Variants in MAGI2 observed in about 807,000 individuals in gnomAD.
MAGI2 encodes the protein membrane-associated guanylate kinase, WW and PDZ domain-containing protein 2.
Under a neutral mutation model 133.3 loss-of-function variants are expected in MAGI2, and 35 were observed. The ratio of observed to expected loss-of-function variants is 0.26; its 90% CI spans 0.20 to 0.35. The LOEUF is 0.35. MAGI2 is among the 10% of genes least tolerant of loss of function. The pLI, the probability that MAGI2 is intolerant of heterozygous loss-of-function variation, is 1.00. For synonymous variants in MAGI2, 729 were observed against 710.6 expected (o/e 1.03, Z -0.41); for missense variants, 1,636 against 1,863.4 (o/e 0.88, Z 2.25).
At chr7:79,122,551 C>T (rs1007532024) in intron 1 of MAGI2, among the ~76,000 whole-genome samples, 1 of 152,122 alleles carries the variant, frequency 6.6e-6, no homozygotes, top group African/African-American at 2.4e-5. Context: ...TGCAAATAAA[C>T]CAACTATATA....
At chr7:79,264,720 G>A (rs183381197) in intron 1 of MAGI2, among the ~76,000 whole-genome samples, 11 of 152,136 alleles carry the variant, frequency 7.2e-5, no homozygotes, top group Admixed American at 2.6e-4. Context: ...TTTGACTCAT[G>A]ATTCTAATGT....
chr7:78,210,654 T>C (rs1158944506), intron 10 of MAGI2, among the ~76,000 whole-genome samples: 2 of 152,296 alleles, frequency 1.3e-5, no homozygotes, highest in Non-Finnish European at 2.9e-5. Context: ...CTCAGAGATA[T>C]GTGTCAGGTA....
At chr7:78,058,007 A>G (rs150481689) in intron 21 of MAGI2, among the ~76,000 whole-genome samples, 73 of 47,160 alleles carry the variant, frequency 1.5e-3, no homozygotes, top group Middle Eastern at 0.01. Flanking sequence ...ATATATATGT[A>G]TGAGAAACAT....
intron 1 of MAGI2, among the ~76,000 whole-genome samples, chr7:79,039,328 A>T (rs1811406329): frequency 6.6e-6 from 1 of 152,118 alleles, no homozygotes; most frequent in African/African-American, 2.4e-5. Context: ...ACCTCTTTTT[A>T]TTAAAATAAA....
chr7:79,440,292 C>T (rs962130204), intron 1 of MAGI2, among the ~76,000 whole-genome samples: 9 of 151,998 alleles, frequency 5.9e-5, no homozygotes, highest in Admixed American at 2.0e-4. Context: ...GGGTCAATAG[C>T]AAAGGCATTT....
chr7:78,135,497 C>G (rs1377292674), intron 16 of MAGI2, among the ~76,000 whole-genome samples: 1 of 152,116 alleles, frequency 6.6e-6, no homozygotes, highest in Non-Finnish European at 1.5e-5. Context: ...CTATTTGGGC[C>G]TTACTGGGGA....
At chr7:78,815,195 C>A (rs1201093290) in intron 2 of MAGI2, among the ~76,000 whole-genome samples, 1 of 152,154 alleles carries the variant, frequency 6.6e-6, no homozygotes, top group African/African-American at 2.4e-5. Flanking sequence ...CTTCAAGGAG[C>A]TGCTCATCTG....
At chr7:78,457,596 T>A (rs928739081) in intron 6 of MAGI2, among the ~76,000 whole-genome samples, 5 of 152,208 alleles carry the variant, frequency 3.3e-5, no homozygotes, top group Non-Finnish European at 7.3e-5. Context: ...TAGTCCATGT[T>A]CTTTTAATAA....
intron 1 of MAGI2, among the ~76,000 whole-genome samples, chr7:79,337,952 G>A (rs900909405): frequency 2.6e-5 from 4 of 152,016 alleles, no homozygotes; most frequent in Non-Finnish European, 2.9e-5. Context: ...AGTGACCCGG[G>A]AATATCTTCC....
intron 2 of MAGI2, among the ~76,000 whole-genome samples, chr7:78,629,304 C>T (rs890277851): frequency 2.0e-5 from 3 of 152,206 alleles, no homozygotes; most frequent in Non-Finnish European, 4.4e-5. Context: ...CCTACTTGGA[C>T]TGGCAGTTCA....
At chr7:78,648,694 A>G (rs985720514) in intron 2 of MAGI2, among the ~76,000 whole-genome samples, 1 of 152,204 alleles carries the variant, frequency 6.6e-6, no homozygotes, top group Non-Finnish European at 1.5e-5. Flanking sequence ...AATGTCTACC[A>G]GGGTGGAGGA....
At chr7:78,581,795 T>G (rs191593524) in intron 3 of MAGI2, among the ~76,000 whole-genome samples, 1 of 152,162 alleles carries the variant, frequency 6.6e-6, no homozygotes, top group Admixed American at 6.5e-5. Flanking sequence ...TTTTTTTCTG[T>G]TAAATGAAGA....
intron 3 of MAGI2, among the ~76,000 whole-genome samples, chr7:78,532,073 G>A (rs906089330): frequency 3.3e-5 from 5 of 152,088 alleles, no homozygotes; most frequent in African/African-American, 9.7e-5. Context: ...TCTAAACAGG[G>A]TTCTACCACT....
At chr7:79,079,651 T>A (rs1255925030) in intron 1 of MAGI2, among the ~76,000 whole-genome samples, 3 of 152,132 alleles carry the variant, frequency 2.0e-5, no homozygotes, top group African/African-American at 7.2e-5. Context: ...TACTCACATA[T>A]CTAGACATGA....
chr7:78,182,649 T>A (rs1170762919), intron 13 of MAGI2, among the ~76,000 whole-genome samples: 2 of 152,250 alleles, frequency 1.3e-5, no homozygotes, highest in African/African-American at 4.8e-5. Flanking sequence ...TTAAGGTCAC[T>A]ATGCATGCTA....
At chr7:78,968,454 G>A (rs1410315289) in intron 2 of MAGI2, among the ~76,000 whole-genome samples, 1 of 150,730 alleles carries the variant, frequency 6.6e-6, no homozygotes, top group Non-Finnish European at 1.5e-5. Flanking sequence ...TTAATGTACA[G>A]GTCTTTTATC....
intron 1 of MAGI2, among the ~76,000 whole-genome samples, chr7:79,359,520 A>C (rs1276972322): frequency 6.6e-6 from 1 of 152,104 alleles, no homozygotes; most frequent in African/African-American, 2.4e-5. Flanking sequence ...GGATAAACTT[A>C]AAGAATCCAT....
intron 2 of MAGI2, among the ~76,000 whole-genome samples, chr7:78,757,299 C>G (rs1824047571): frequency 7.6e-6 from 1 of 131,002 alleles, no homozygotes; most frequent in Non-Finnish European, 1.7e-5. Flanking sequence ...CCCTCCTTCT[C>G]CCTCCTTCTC....
chr7:78,565,288 C>G (rs1800829775), intron 3 of MAGI2, among the ~76,000 whole-genome samples: 1 of 151,530 alleles, frequency 6.6e-6, no homozygotes, highest in Non-Finnish European at 1.5e-5. Flanking sequence ...ATAGCGAGAC[C>G]CTGTGTCAAA....
Sources: gnomAD v4.1 joint callset for allele counts (sites outside exome capture counted in the v4.1 genomes callset) on GRCh38, gnomAD v4.1.1 for gene constraint, MANE v1.5 for transcripts, NCBI Gene and HGNC (gene_info 2026-07-23, HGNC 2026-07-21) for gene names.